The following PRRC2C variants were observed in gnomAD, a reference collection of about 807,000 sequenced individuals.
The protein encoded by PRRC2C is proline rich coiled-coil 2C.
PRRC2C carries 72 observed loss-of-function variants against 317.2 expected under a neutral mutation model. The observed-to-expected ratio is 0.23, with a 90% CI of 0.19 to 0.28. The LOEUF is 0.28. Among genes scored for constraint, PRRC2C ranks in the 10% least tolerant of loss-of-function variants. PRRC2C has a pLI of 1.00. For synonymous variants in PRRC2C, 1,296 were observed against 1,205.9 expected (o/e 1.07, Z -1.55); for missense variants, 3,074 against 3,459.7 (o/e 0.89, Z 2.80).
chr1:171,518,956 C>A (rs1673031825), intron 6 of PRRC2C, among the ~76,000 whole-genome samples: 2 of 150,390 alleles, frequency 1.3e-5, no homozygotes, highest in African/African-American at 4.9e-5. Flanking sequence ...GATGTCGGCT[C>A]ACTGCAACCT....
At chr1:171,497,981 ATTTTTTTTTTT>A (rs60519098) in intron 1 of PRRC2C, among the ~76,000 whole-genome samples, 16 of 130,688 alleles carry the variant, frequency 1.2e-4, no homozygotes, top group Admixed American at 1.0e-3. Flanking sequence ...TACCCAGCTA[ATTTTTTTTTTT>A]TTTTTTTTTT....
chr1:171,541,494 G>A lies in PRRC2C; in HGVS notation c.4028G>A (p.Arg1343Lys). Residue 1343 changes from arginine to lysine, a missense_variant, in exon 16 of 35, where the codon AGG becomes AAG. Transcript: ENST00000647382. This position sits in a 1 kb window ranked among gnomAD's most constrained non-coding sequence, Gnocchi z 4.1. ...TTTCTTCCTAAAGGAGAGCCTACAAGGAGAGGCAGAGGGGGAACATTCAGG... is the reference window on the plus strand; with the variant it reads ...TTTCTTCCTAAAGGAGAGCCTACAAAGAGAGGCAGAGGGGGAACATTCAGG... ...PGFLPKGEPTRRGRGGTFRRG... is the reference protein window; with the variant it reads ...PGFLPKGEPTKRGRGGTFRRG... 3.1e-6 allele frequency: 5 copies of A among 1,613,694 alleles called. No homozygotes were observed. The highest frequency in any genetic ancestry group is 1.3e-5 in the African/African-American group (1 of 75,028).
chr1:171,589,535 C>G lies in PRRC2C; in HGVS notation c.8366C>G (p.Pro2789Arg). The G allele has an allele frequency of 7.8e-7, 1 of 1,289,744 alleles. No homozygotes were observed. The highest frequency in any genetic ancestry group is 1.0e-6 in the Non-Finnish European group (1 of 988,866). 79.9% of individuals were successfully genotyped at this position (1,289,744 alleles called of 1,614,324 possible). ...CGTTTGCCACATGTAGCCAGGGGTC[C>G]TTGTGGATCACTATCTGGAGTCAGA... ...HARLPHVARG[P>R]CGSLSGVRGN... is the part of the protein sequence containing the mutation. The change falls in exon 34 of 35, where the codon CCT becomes CGT. Residue 2789 changes from proline to arginine, a missense_variant. Around this residue, in one of 11 missense-constraint regions of PRRC2C, gnomAD observed 490 missense variants for 663.1 expected, o/e 0.74. Coordinates refer to ENST00000647382, the MANE Select transcript of PRRC2C (RefSeq NM_001387844.1).
intron 30 of PRRC2C, among the ~76,000 whole-genome samples, chr1:171,585,861 T>A (rs560448816): frequency 6.6e-6 from 1 of 152,196 alleles, no homozygotes; most frequent in East Asian, 1.9e-4. Flanking sequence ...GATTTCAGAT[T>A]GGTTTTTTTT....
chr1:171,577,344 T>A (rs1455826727), intron 25 of PRRC2C, 90 bp from the exon 26 acceptor site: 2 of 1,143,240 alleles, frequency 1.7e-6, no homozygotes, highest in African/African-American at 3.1e-5. Flanking sequence ...GTAGAAACAT[T>A]AATTTTGCAG....
chr1:171,510,297 G>GGTCTT (rs1193011569), intron 1 of PRRC2C: 1 of 152,060 alleles, frequency 6.6e-6, no homozygotes, highest in Non-Finnish European at 1.5e-5. Context: ...ATACAGAAAG[G>GGTCTT]GTCTTCACCA....
intron 1 of PRRC2C, among the ~76,000 whole-genome samples, chr1:171,507,358 C>T (rs957669037): frequency 6.6e-6 from 1 of 152,186 alleles, no homozygotes; most frequent in African/African-American, 2.4e-5. Flanking sequence ...CGTCTGTAAT[C>T]GCAGCACTTT....
chr1:171,515,747 T>G lies in PRRC2C; in HGVS notation c.414T>G (p.Asn138Lys). ...QGGQGDGIQV[N>K]SQFQQEFPSL... ...AAAAATCTATAGGAATCCAAGTGAA[T>G]AGTCAGTTTCAGCAAGAATTTCCCA... The change falls in exon 5 of 35, where the codon AAT becomes AAG. Residue 138 changes from asparagine (N) to lysine (K), a missense_variant. Around this residue, in one of 11 missense-constraint regions of PRRC2C, gnomAD observed 237 missense variants for 199.5 expected, o/e 1.19. Transcript: ENST00000647382. 1 of 1,603,120 alleles carries G rather than the reference T, an allele frequency of 6.2e-7. No homozygotes were observed. The highest frequency in any genetic ancestry group is 8.5e-7 in the Non-Finnish European group (1 of 1,175,506).
chr1:171,550,010 A>C, intron 17 of PRRC2C, 76 bp from the exon 18 acceptor site: 2 of 1,148,782 alleles, frequency 1.7e-6, no homozygotes, highest in South Asian at 2.3e-5. Context: ...TTTTTTAAGT[A>C]CTACTGTACT....
intron 18 of PRRC2C, among the ~76,000 whole-genome samples, chr1:171,556,482 C>T (rs1030914824): frequency 3.9e-5 from 6 of 152,206 alleles, no homozygotes; most frequent in African/African-American, 1.4e-4. Context: ...TTTGGAAGTG[C>T]AGAAATCACC....
intron 23 of PRRC2C, among the ~76,000 whole-genome samples, chr1:171,570,769 T>C (rs986928323): frequency 6.6e-6 from 1 of 152,244 alleles, no homozygotes. Context: ...AATCTTGTTA[T>C]AAAAGTTAAC....
At chr1:171,502,058 G>A (rs1018072745) in intron 1 of PRRC2C, among the ~76,000 whole-genome samples, 1 of 152,168 alleles carries the variant, frequency 6.6e-6, no homozygotes, top group Non-Finnish European at 1.5e-5. Flanking sequence ...CAGTAGCTGG[G>A]ACTCCAGGTA....
intron 31 of PRRC2C, 113 bp downstream of exon 31, chr1:171,587,334 A>G (rs1650270916): frequency 4.0e-6 from 4 of 992,818 alleles, no homozygotes; most frequent in Non-Finnish European, 5.8e-6. Flanking sequence ...CCACCCTGCA[A>G]AAATCTCAAA....
chr1:171,536,122 C>A lies in PRRC2C; in HGVS notation c.2137C>A (p.Pro713Thr), dbSNP rs1164862718. ...PSQPSSSTVPPPPHRPLYQPM... is the reference protein window; with the variant it reads ...PSQPSSSTVPTPPHRPLYQPM... ...ACAACCGTCCAGTAGTACTGTCCCT[C>A]CTCCACCACACAGACCTCTTTATCA... Residue 713 changes from proline (P) to threonine (T), a missense_variant, in exon 14 of 35, where the codon CCT becomes ACT. Around this residue, in one of 11 missense-constraint regions of PRRC2C, gnomAD observed 1,320 missense variants for 1,395.7 expected, o/e 0.95. Coordinates refer to ENST00000647382, the MANE Select transcript of PRRC2C (RefSeq NM_001387844.1). 6.3e-7 allele frequency: 1 copy of A among 1,578,772 alleles called. No homozygotes were observed. The highest frequency in any genetic ancestry group is 8.6e-7 in the Non-Finnish European group (1 of 1,160,960).
chr1:171,562,916 T>C (rs1230791977), intron 20 of PRRC2C, among the ~76,000 whole-genome samples: 2 of 152,136 alleles, frequency 1.3e-5, no homozygotes, highest in Admixed American at 6.6e-5. Context: ...GCTTTCTGAC[T>C]CCAGGAAATG....
intron 26 of PRRC2C, 79 bp downstream of exon 26, chr1:171,577,716 C>T (rs578104994): frequency 1.5e-6 from 2 of 1,292,694 alleles, no homozygotes; most frequent in South Asian, 1.3e-5. Context: ...TCTTCTTACC[C>T]TTTCAGCTAA....
intron 2 of PRRC2C, 194 bp from the exon 3 acceptor site, chr1:171,512,801 C>T: frequency 2.1e-6 from 1 of 475,656 alleles, no homozygotes. Flanking sequence ...CTGTTAAATG[C>T]TGTTAAATGG....
At chr1:171,520,630 T>C (rs1407868802) in intron 6 of PRRC2C, among the ~76,000 whole-genome samples, 1 of 152,162 alleles carries the variant, frequency 6.6e-6, no homozygotes, top group Non-Finnish European at 1.5e-5. Flanking sequence ...AATGCAACTT[T>C]AGCTATGAAC....
At chr1:171,500,070 A>G (rs1668809458) in intron 1 of PRRC2C, among the ~76,000 whole-genome samples, 1 of 152,186 alleles carries the variant, frequency 6.6e-6, no homozygotes, top group Non-Finnish European at 1.5e-5. Context: ...TCTGGGGGAC[A>G]CTGTATTTTC....
Sources: gnomAD v4.1 joint callset for allele counts (sites outside exome capture counted in the v4.1 genomes callset) on GRCh38, gnomAD v4.1.1 for gene constraint, gnomAD v4.1.1 regional missense constraint, Gnocchi (gnomAD v3.1) non-coding constraint, MANE v1.5 for transcripts, NCBI Gene and HGNC (gene_info 2026-07-23, HGNC 2026-07-21) for gene names.